Variants in CCL24 observed in about 807,000 individuals in gnomAD.
CCL24 encodes C-C motif chemokine 24.
In CCL24, 6 loss-of-function variants were observed where a neutral mutation model predicts 8.6. The ratio of observed to expected loss-of-function variants is 0.70; its 90% CI spans 0.38 to 1.38. The LOEUF (loss-of-function observed/expected upper bound fraction) is 1.38, where lower values mean the gene tolerates loss of function less well. CCL24 is among the 40% of genes most tolerant of loss of function. The pLI, the probability that CCL24 is intolerant of heterozygous loss-of-function variation, is 0.02. For missense variants in CCL24, 126 were observed against 147.1 expected, an observed-to-expected ratio of 0.86 and a Z score of 0.74; for synonymous variants, 59 against 52.7, an observed-to-expected ratio of 1.12 and a Z score of -0.52.
At chr7:75,813,570 C>T in intron 1 of CCL24, 73 bp downstream of exon 1, 1 of 1,391,890 alleles carries the variant, frequency 7.2e-7, no homozygotes, top group South Asian at 1.2e-5. Flanking sequence ...CAGCCCCAGG[C>T]TGGTCAGTCC....
rs2115813269 is a variant in CCL24, at chr7:75,820,384, T to C, written c.-60+2938A>G. On this transcript the variant is annotated intron_variant, in intron 1 of 3. Transcript: ENST00000416943. ...TTAGTGGAGGCGGGGTTCCACCATG[T>C]TGGCCAGACTGGTCTCGAACTCCTG... Among the ~76,000 whole-genome samples, 3 of 152,182 alleles carry C rather than the reference T, an allele frequency of 2.0e-5. 1 individual carries two copies. The highest frequency in any genetic ancestry group is 2.0e-4 in the Admixed American group (3 of 15,254).
intron 1 of CCL24, among the ~76,000 whole-genome samples, chr7:75,819,293 A>ACATAT (rs1803967485): frequency 1.6e-4 from 3 of 18,320 alleles, no homozygotes; most frequent in Non-Finnish European, 3.3e-4. Context: ...AAAAAAAAAA[A>ACATAT]AAAAAAAAAA....
chr7:75,814,772 T>C (rs184293910), upstream of CCL24, among the ~76,000 whole-genome samples: 40 of 151,984 alleles, frequency 2.6e-4, 1 homozygote, highest in East Asian at 6.2e-3. Context: ...TCCTCTGAGG[T>C]GGCCAATGTC....
At position 75,813,770 on chromosome 7, in the gene CCL24, A is replaced by G. The variant is rs1803828943; in HGVS notation, c.-55T>C. 6.9e-7 allele frequency: 1 copy of G among 1,439,980 alleles called. No individual in the cohort carries two copies. The highest frequency in any genetic ancestry group is 9.8e-7 in the Non-Finnish European group (1 of 1,022,132). 89.2% of individuals were successfully genotyped at this position (1,439,980 alleles called of 1,614,324 possible). Reference sequence around the variant, plus strand: ...GCTCAAAGCTGACGTGCAGGAGGAAAGGACCTAGGGATAAATAGCTCGGGT... The same window carrying G: ...GCTCAAAGCTGACGTGCAGGAGGAAGGGACCTAGGGATAAATAGCTCGGGT... On this transcript the variant is annotated 5_prime_UTR_variant, in exon 1 of 3. Coordinates refer to ENST00000222902, the MANE Select transcript of CCL24 (RefSeq NM_002991.3).
chr7:75,815,340 T>TAAA (rs781838332), upstream of CCL24, among the ~76,000 whole-genome samples: 1 of 128,358 alleles, frequency 7.8e-6, no homozygotes, highest in African/African-American at 2.9e-5. Context: ...TCCTGTCTCT[T>TAAA]AAAAAAAAAA....
upstream of CCL24, among the ~76,000 whole-genome samples, chr7:75,816,643 C>A (rs540764473): frequency 2.0e-5 from 3 of 151,516 alleles, no homozygotes; most frequent in Non-Finnish European, 4.4e-5. Flanking sequence ...CTCACTGCAA[C>A]CTCCACCTCC....
rs1585031730 is a variant in CCL24 at position 75,820,090 on chromosome 7, T to TC, written c.-60+3231dup. ...TTCTTCTTCTTCTTCTTCTTCTTCC[T>TC]CTTCTTCTTCTTCTTCCTTCTTCTT... On this transcript the variant is annotated intron_variant, in intron 1 of 3. Coordinates refer to the CCL24 transcript ENST00000416943. 2.4e-5 allele frequency among the ~76,000 whole-genome samples: 3 copies of TC among 127,396 alleles called. No homozygotes were observed. The East Asian group carries it at 7.7e-4, about 33-fold the overall frequency. 83.6% of individuals were successfully genotyped at this position (127,396 alleles called of 152,430 possible). A position where few individuals can be genotyped will look rare whatever the true frequency, so the allele number is the denominator to read the frequency against.
chr7:75,819,276 A>T (rs1803960303), intron 1 of CCL24, among the ~76,000 whole-genome samples: 1 of 23,416 alleles, frequency 4.3e-5, no homozygotes, highest in Non-Finnish European at 7.6e-5. Context: ...CTCAAAAAAA[A>T]AAAAAAAAAA....
upstream of CCL24, among the ~76,000 whole-genome samples, chr7:75,814,504 T>G (rs1045677389): frequency 3.3e-5 from 5 of 152,088 alleles, no homozygotes; most frequent in Non-Finnish European, 5.9e-5. Context: ...AGTTCAAGGC[T>G]GCAGTGAGCT....
chr7:75,812,380 C>T (rs535305906), intron 2 of CCL24, among the ~76,000 whole-genome samples: 7 of 152,240 alleles, frequency 4.6e-5, no homozygotes, highest in Admixed American at 3.3e-4. Flanking sequence ...AGCCACTGCA[C>T]GTGGCCTTCT....
At chr7:75,818,777 C>A (rs2115801223), upstream of CCL24, among the ~76,000 whole-genome samples, 1 of 152,074 alleles carries the variant, frequency 6.6e-6, no homozygotes, top group Non-Finnish European at 1.5e-5. Context: ...AGACCCTGTC[C>A]CTCTCTTGGC....
rs1554533339 is a variant in CCL24 at position 75,810,993 on chromosome 7, G to A, written c.*803C>T. On this transcript the variant is annotated 3_prime_UTR_variant, in exon 3 of 3. Transcript: ENST00000222902. ...TCTTCCCCTCACCAAAATGTGGGGT[G>A]AGCCCAGATTTGAAGGCAGTACAGG... 6.6e-6 allele frequency among the ~76,000 whole-genome samples: 1 copy of A among 151,438 alleles called. No individual in the cohort carries two copies. Among genetic ancestry groups the A allele is most frequent in the Non-Finnish European group, 1.5e-5 (1 of 67,866 alleles).
At chr7:75,823,121 C>A (rs1018455668) in intron 1 of CCL24, among the ~76,000 whole-genome samples, 1 of 152,134 alleles carries the variant, frequency 6.6e-6, no homozygotes, top group African/African-American at 2.4e-5. Context: ...CTAAAGGAAG[C>A]GGGTAGACAT....
upstream of CCL24, among the ~76,000 whole-genome samples, chr7:75,814,375 A>G (rs1205915735): frequency 6.6e-6 from 1 of 152,040 alleles, no homozygotes; most frequent in Non-Finnish European, 1.5e-5. Flanking sequence ...AGACCAGCCT[A>G]GGCAACAAAG....
intron 1 of CCL24, among the ~76,000 whole-genome samples, chr7:75,821,853 G>A (rs972115609): frequency 4.0e-5 from 6 of 151,058 alleles, no homozygotes; most frequent in African/African-American, 9.7e-5. Flanking sequence ...GCGTGAACCC[G>A]GGAGGCGGAG....
upstream of CCL24, among the ~76,000 whole-genome samples, chr7:75,815,992 C>T (rs1210442789): frequency 6.6e-6 from 1 of 152,200 alleles, no homozygotes; most frequent in East Asian, 1.9e-4. Flanking sequence ...CCTCCCTGCT[C>T]TGGGATTCCA....
upstream of CCL24, among the ~76,000 whole-genome samples, chr7:75,818,284 T>C (rs1554534448): frequency 6.6e-6 from 1 of 151,796 alleles, no homozygotes; most frequent in Non-Finnish European, 1.5e-5. Context: ...CCATCTCTAC[T>C]ACAAATACAA....
intron 1 of CCL24, 40 bp from the exon 2 acceptor site, chr7:75,813,463 C>A (rs148563483): frequency 2.0e-6 from 3 of 1,480,226 alleles, no homozygotes; most frequent in East Asian, 2.3e-5. Context: ...CTTTTCCCAG[C>A]CTCCCCTTGG....
intron 2 of CCL24, 38 bp downstream of exon 2, chr7:75,813,268 C>T (rs782128853): frequency 9.3e-6 from 12 of 1,286,054 alleles, no homozygotes; most frequent in Middle Eastern, 2.1e-4. Flanking sequence ...CACCTGCCCC[C>T]ACCCCTCTCC....
Sources: gnomAD v4.1 joint callset for allele counts (sites outside exome capture counted in the v4.1 genomes callset) on GRCh38, gnomAD v4.1.1 for gene constraint, MANE v1.5 for transcripts, NCBI Gene and HGNC (gene_info 2026-07-23, HGNC 2026-07-21) for gene names.